Variants in RASSF8 observed in about 807,000 individuals in gnomAD.
RASSF8 encodes the protein ras association domain-containing protein 8.
RASSF8 carries 22 observed loss-of-function variants against 48.5 expected under a neutral mutation model. The ratio of observed to expected loss-of-function variants is 0.45; its 90% CI spans 0.32 to 0.65. RASSF8 has a LOEUF of 0.65. RASSF8 is among the 30% of genes least tolerant of loss of function. The pLI is 0.03. For missense variants in RASSF8, 418 were observed against 489.2 expected (o/e 0.85, Z 1.37); for synonymous variants, 127 against 171.5 (o/e 0.74, Z 2.03).
At chr12:26,001,351 A>C (rs1053663137) in intron 2 of RASSF8, among the ~76,000 whole-genome samples, 10 of 151,894 alleles carry the variant, frequency 6.6e-5, no homozygotes, top group African/African-American at 2.4e-4. Flanking sequence ...ATTTTTATCC[A>C]CTGTGTTTTG....
intron 1 of RASSF8, among the ~76,000 whole-genome samples, chr12:25,961,582 G>A (rs1001437155): frequency 1.3e-5 from 2 of 152,142 alleles, no homozygotes; most frequent in Non-Finnish European, 2.9e-5. Flanking sequence ...TGTCACTCCC[G>A]AGGTGAGTGA....
chr12:25,980,273 T>A (rs1941709059), intron 1 of RASSF8, among the ~76,000 whole-genome samples: 1 of 152,228 alleles, frequency 6.6e-6, no homozygotes, highest in African/African-American at 2.4e-5. Context: ...TTTGATTGTA[T>A]ATTTGCTTTA....
chr12:25,968,670 T>G (rs898039483), intron 1 of RASSF8, among the ~76,000 whole-genome samples: 3 of 152,182 alleles, frequency 2.0e-5, no homozygotes, highest in Non-Finnish European at 4.4e-5. Context: ...TAGTTGTTCA[T>G]TCAAAGCCAA....
At chr12:25,967,060 A>G (rs1055399159) in intron 1 of RASSF8, among the ~76,000 whole-genome samples, 8 of 152,248 alleles carry the variant, frequency 5.3e-5, no homozygotes, top group African/African-American at 1.9e-4. Flanking sequence ...CTTGTCAAAA[A>G]TCAGTTGTCT....
chr12:26,005,825 T>C (rs904010362), intron 2 of RASSF8, among the ~76,000 whole-genome samples: 1 of 152,232 alleles, frequency 6.6e-6, no homozygotes, highest in Non-Finnish European at 1.5e-5. Context: ...AGGCTATACT[T>C]GCTCCTTAGA....
intron 1 of RASSF8, among the ~76,000 whole-genome samples, chr12:25,993,151 C>A (rs911727315): frequency 2.9e-4 from 44 of 152,102 alleles, no homozygotes; most frequent in African/African-American, 1.0e-3. Context: ...CAGAACTGCC[C>A]CCGCTCCCTG....
At chr12:25,986,926 T>TTTGTTTGTTTG (rs1555160452) in intron 1 of RASSF8, among the ~76,000 whole-genome samples, 7,846 of 146,662 alleles carry the variant, frequency 0.053, 262 homozygotes, top group South Asian at 0.098. Flanking sequence ...CGTTTTTTTT[T>TTTGTTTGTTTG]TTTGTTTGTT....
chr12:25,995,371 A>C (rs1942109662), intron 2 of RASSF8, among the ~76,000 whole-genome samples: 1 of 152,202 alleles, frequency 6.6e-6, no homozygotes, highest in Admixed American at 6.5e-5. Context: ...CGACACTAAA[A>C]GCATCATAAA....
intron 2 of RASSF8, among the ~76,000 whole-genome samples, chr12:26,031,237 G>A (rs78818190): frequency 0.054 from 8,209 of 152,062 alleles, 319 homozygotes; most frequent in African/African-American, 0.11. Flanking sequence ...CAGTACATTG[G>A]GTTAGATTTC....
intron 2 of RASSF8, among the ~76,000 whole-genome samples, chr12:26,053,797 G>A (rs539599591): frequency 2.0e-5 from 3 of 152,292 alleles, no homozygotes; most frequent in South Asian, 2.1e-4. Flanking sequence ...CAAAGTGCTA[G>A]GAGATTAATG....
intron 2 of RASSF8, among the ~76,000 whole-genome samples, chr12:26,024,700 T>TA (rs1217296749): frequency 6.6e-6 from 1 of 152,188 alleles, no homozygotes; most frequent in Non-Finnish European, 1.5e-5. Context: ...CTCACGCCCG[T>TA]AATACCAGCA....
At chr12:26,033,962 CAA>C (rs1442547100) in intron 2 of RASSF8, among the ~76,000 whole-genome samples, 2 of 152,088 alleles carry the variant, frequency 1.3e-5, no homozygotes, top group Non-Finnish European at 2.9e-5. Flanking sequence ...ATGTGCCTAG[CAA>C]AGAGGAAGCA....
At chr12:25,981,395 A>G (rs1313489774) in intron 1 of RASSF8, among the ~76,000 whole-genome samples, 3 of 152,158 alleles carry the variant, frequency 2.0e-5, no homozygotes, top group Non-Finnish European at 1.5e-5. Context: ...ACTAAGGGCC[A>G]TGATCCTCTG....
Position 26,072,163 on chromosome 12 carries a change from C to G in RASSF8, c.*3345C>G. On this transcript the variant is annotated 3_prime_UTR_variant, in exon 6 of 6. Transcript: ENST00000689635. ...ATATAACGATGCTGTGTTCACATCCCTCTCCTACCTAAAGTTGTCTTTATT... is the reference window on the plus strand; with the variant it reads ...ATATAACGATGCTGTGTTCACATCCGTCTCCTACCTAAAGTTGTCTTTATT... The G allele has an allele frequency of 1.0e-6, 1 of 980,010 alleles. No individual in the cohort carries two copies. The highest frequency in any genetic ancestry group is 1.2e-6 in the Non-Finnish European group (1 of 824,992). The allele number at this position is 980,010 out of a possible 1,614,324, so 60.7% of individuals were successfully genotyped here.
chr12:26,016,615 TTC>T (rs142796553), intron 2 of RASSF8, among the ~76,000 whole-genome samples: 15,180 of 152,214 alleles, frequency 0.1, 802 homozygotes, highest in Middle Eastern at 0.15. Context: ...TTTTAGGTAA[TTC>T]TAACTATAAA....
chr12:26,036,581 A>G (rs1375814591), intron 2 of RASSF8, among the ~76,000 whole-genome samples: 1 of 152,142 alleles, frequency 6.6e-6, no homozygotes, highest in African/African-American at 2.4e-5. Flanking sequence ...TATTTAATAT[A>G]GCCCAGAAGA....
rs578006580 is a variant in RASSF8 at position 26,004,928 on chromosome 12, A to G, written c.-109+9798A>G. ...CAGCACTTTGGGAGGCCAGAGCAGA[A>G]GGGTCACCTGAGGCCATGGGTTTGA... On this transcript the variant is annotated intron_variant, in intron 2 of 5. Coordinates refer to ENST00000689635, the MANE Select transcript of RASSF8 (RefSeq NM_001394098.1). 2.6e-5 allele frequency among the ~76,000 whole-genome samples: 4 copies of G among 152,320 alleles called. No homozygotes were observed. The South Asian group carries it at 8.3e-4, about 32-fold the overall frequency.
chr12:25,971,250 A>G (rs2136862465), intron 1 of RASSF8, among the ~76,000 whole-genome samples: 1 of 152,308 alleles, frequency 6.6e-6, no homozygotes, highest in East Asian at 1.9e-4. Context: ...TCTGCATTAA[A>G]ACTCTCTGGA....
At chr12:26,011,400 G>A (rs1473699991) in intron 2 of RASSF8, among the ~76,000 whole-genome samples, 8 of 152,072 alleles carry the variant, frequency 5.3e-5, no homozygotes, top group Admixed American at 2.0e-4. Flanking sequence ...TCTTCCTGAC[G>A]AGCAGTATTA....
Sources: gnomAD v4.1 joint callset for allele counts (sites outside exome capture counted in the v4.1 genomes callset) on GRCh38, gnomAD v4.1.1 for gene constraint, MANE v1.5 for transcripts, NCBI Gene and HGNC (gene_info 2026-07-23, HGNC 2026-07-21) for gene names.